The following PPP1R1C variants were observed in gnomAD, a reference collection of about 807,000 sequenced individuals.
PPP1R1C encodes protein phosphatase 1 regulatory subunit 1C.
A neutral mutation model predicts 17.4 loss-of-function variants in PPP1R1C; 15 were observed. The observed-to-expected ratio is 0.86, with a 90% CI of 0.58 to 1.33. PPP1R1C has a LOEUF of 1.33. PPP1R1C is among the 40% of genes most tolerant of loss of function. The pLI is 0.00. For synonymous variants in PPP1R1C, 35 were observed against 43.1 expected (o/e 0.81, Z 0.73); for missense variants, 143 against 130.0 (o/e 1.10, Z -0.48).
At chr2:182,030,503 G>A (rs1374377094) in intron 2 of PPP1R1C, among the ~76,000 whole-genome samples, 1 of 150,324 alleles carries the variant, frequency 6.7e-6, no homozygotes, top group African/African-American at 2.4e-5. Flanking sequence ...CTGCTGGGGG[G>A]TGCCTCCCAG....
intron 2 of PPP1R1C, among the ~76,000 whole-genome samples, chr2:182,044,783 A>G (rs1687292326): frequency 6.6e-6 from 1 of 152,202 alleles, no homozygotes; most frequent in Admixed American, 6.5e-5. Flanking sequence ...TTGTTAAAAT[A>G]TTGGGCACAT....
At chr2:182,057,731 C>G (rs1037089797) in intron 2 of PPP1R1C, among the ~76,000 whole-genome samples, 9 of 152,098 alleles carry the variant, frequency 5.9e-5, no homozygotes, top group Non-Finnish European at 2.9e-5. Context: ...CCTTATACCT[C>G]TTTAATTGGC....
At chr2:182,000,047 A>C (rs997772481) in intron 2 of PPP1R1C, among the ~76,000 whole-genome samples, 5 of 152,182 alleles carry the variant, frequency 3.3e-5, no homozygotes, top group African/African-American at 1.2e-4. Context: ...TGAGACTCAG[A>C]TCAAACCTCC....
At chr2:182,105,365 G>A (rs536592739) in intron 4 of PPP1R1C, among the ~76,000 whole-genome samples, 10 of 152,258 alleles carry the variant, frequency 6.6e-5, no homozygotes, top group South Asian at 4.1e-4. Context: ...TGTGACATCC[G>A]TCAGCATAGT....
At chr2:182,039,715 T>C (rs575199114) in intron 2 of PPP1R1C, among the ~76,000 whole-genome samples, 2 of 152,244 alleles carry the variant, frequency 1.3e-5, no homozygotes, top group East Asian at 3.9e-4. Flanking sequence ...AGACGAATTG[T>C]ATAGTGGTGA....
chr2:181,973,449 T>C (rs1005432646), intron 1 of PPP1R1C, among the ~76,000 whole-genome samples: 1 of 152,188 alleles, frequency 6.6e-6, no homozygotes, highest in Non-Finnish European at 1.5e-5. Flanking sequence ...AAAGAACTTA[T>C]TTTTGTTTAA....
chr2:182,124,412 GT>G (rs1410276194), intron 5 of PPP1R1C, among the ~76,000 whole-genome samples: 4 of 132,124 alleles, frequency 3.0e-5, no homozygotes, highest in Non-Finnish European at 6.3e-5. Flanking sequence ...GTTTAAAGTA[GT>G]TTTTTTCTAA....
intron 2 of PPP1R1C, among the ~76,000 whole-genome samples, chr2:181,977,694 A>G (rs982592590): frequency 2.6e-5 from 4 of 152,116 alleles, no homozygotes; most frequent in Non-Finnish European, 4.4e-5. Context: ...GCCAGCAACC[A>G]TTTTTTATGT....
At chr2:182,018,798 G>A (rs1686333140) in intron 2 of PPP1R1C, among the ~76,000 whole-genome samples, 1 of 152,022 alleles carries the variant, frequency 6.6e-6, no homozygotes, top group South Asian at 2.1e-4. Flanking sequence ...GAAAGCAATC[G>A]ATTGAAAAAG....
At chr2:181,977,864 A>G (rs1685121907) in intron 2 of PPP1R1C, among the ~76,000 whole-genome samples, 1 of 152,182 alleles carries the variant, frequency 6.6e-6, no homozygotes, top group African/African-American at 2.4e-5. Flanking sequence ...CACATGTCTC[A>G]TGGGGTAGCT....
chr2:182,076,843 G>T (rs1688328066), intron 4 of PPP1R1C, among the ~76,000 whole-genome samples: 2 of 152,106 alleles, frequency 1.3e-5, no homozygotes, highest in East Asian at 1.9e-4. Flanking sequence ...CTACCACGAA[G>T]AAATATGGAA....
At chr2:182,049,957 C>G (rs947070499) in intron 2 of PPP1R1C, among the ~76,000 whole-genome samples, 3 of 152,154 alleles carry the variant, frequency 2.0e-5, no homozygotes, top group African/African-American at 7.2e-5. Context: ...GCCAAAATAT[C>G]TTGTGGATTT....
intron 2 of PPP1R1C, among the ~76,000 whole-genome samples, chr2:182,043,626 A>G (rs1037648988): frequency 6.6e-6 from 1 of 152,182 alleles, no homozygotes; most frequent in Non-Finnish European, 1.5e-5. Flanking sequence ...GGACAACTTC[A>G]TGCCTACCCT....
intron 4 of PPP1R1C, among the ~76,000 whole-genome samples, chr2:182,084,605 C>T (rs923858912): frequency 6.6e-6 from 1 of 152,054 alleles, no homozygotes; most frequent in African/African-American, 2.4e-5. Context: ...GTTACCTATT[C>T]TGTTTTATTG....
chr2:182,067,279 T>C (rs763735996), intron 4 of PPP1R1C, among the ~76,000 whole-genome samples: 1 of 152,168 alleles, frequency 6.6e-6, no homozygotes, highest in Non-Finnish European at 1.5e-5. Flanking sequence ...AAAATACCTT[T>C]GTATGCTTAC....
chr2:181,958,896 A>G (rs1364925649), intron 1 of PPP1R1C, among the ~76,000 whole-genome samples: 3 of 152,194 alleles, frequency 2.0e-5, no homozygotes, highest in African/African-American at 4.8e-5. Context: ...GCTATTTCCA[A>G]TTTGGGGCTA....
rs186997096 is a variant in PPP1R1C, at chr2:182,053,621, G to A, written c.143-7821G>A. On this transcript the variant is annotated intron_variant, in intron 2 of 4. Transcript: ENST00000682840. The stretch of plus-strand genomic sequence containing the variant: ...AAACTTTTACTTCCATGGTCTGGGC[G>A]TAGAGTTATTTTCATTAACTTTCTT... Among the ~76,000 whole-genome samples, 214 of 151,996 alleles carry A rather than the reference G, an allele frequency of 1.4e-3. 1 individual carries two copies. The highest frequency in any genetic ancestry group is 1.2e-3 in the Non-Finnish European group (79 of 67,974).
At chr2:182,077,693 T>A (rs1688354420) in intron 4 of PPP1R1C, among the ~76,000 whole-genome samples, 1 of 151,758 alleles carries the variant, frequency 6.6e-6, no homozygotes, top group Non-Finnish European at 1.5e-5. Context: ...CCTAGGAGAG[T>A]TTTTATCCCT....
At chr2:182,032,141 C>G (rs1686861484) in intron 2 of PPP1R1C, among the ~76,000 whole-genome samples, 1 of 152,206 alleles carries the variant, frequency 6.6e-6, no homozygotes, top group Non-Finnish European at 1.5e-5. Context: ...TGGAAACTGG[C>G]CTTCTGAAAT....
Sources: gnomAD v4.1 joint callset for allele counts (sites outside exome capture counted in the v4.1 genomes callset) on GRCh38, gnomAD v4.1.1 for gene constraint, MANE v1.5 for transcripts, NCBI Gene and HGNC (gene_info 2026-07-23, HGNC 2026-07-21) for gene names.